Variants in EFNA5 observed in about 807,000 individuals in gnomAD.
EFNA5 encodes the protein ephrin A5.
EFNA5 carries 5 observed loss-of-function variants against 22.9 expected under a neutral mutation model. The ratio of observed to expected loss-of-function variants is 0.22; its 90% CI spans 0.11 to 0.46. The LOEUF (loss-of-function observed/expected upper bound fraction) is 0.46. EFNA5 is among the 20% of genes least tolerant of loss of function. The pLI is 0.99. For synonymous variants in EFNA5, 113 were observed against 112.2 expected (o/e 1.01, Z -0.04); for missense variants, 237 against 293.3 (o/e 0.81, Z 1.40).
chr5:107,490,779 T>C lies in EFNA5; in HGVS notation c.126-63270A>G, dbSNP rs1580489769. On this transcript the variant is annotated intron_variant, in intron 1 of 4. Coordinates refer to ENST00000333274, the MANE Select transcript of EFNA5 (RefSeq NM_001962.3). ...TACAGCGGCTACTCAGATTCCTCTT[T>C]ACTTACTGTGTCACCATCCAGTGGG... Among the ~76,000 whole-genome samples, 4 of 152,334 alleles carry C rather than the reference T, an allele frequency of 2.6e-5. 1 individual carries two copies. Among genetic ancestry groups the C allele is most frequent in the Admixed American group, 2.6e-4 (4 of 15,306 alleles).
chr5:107,537,988 G>T (rs968846835), intron 1 of EFNA5, among the ~76,000 whole-genome samples: 4 of 152,158 alleles, frequency 2.6e-5, no homozygotes, highest in Non-Finnish European at 2.9e-5. Context: ...AAGAAAAGGG[G>T]TATATTGAGA....
chr5:107,571,173 G>A (rs894478408), intron 1 of EFNA5, among the ~76,000 whole-genome samples: 3 of 152,204 alleles, frequency 2.0e-5, no homozygotes, highest in Admixed American at 1.3e-4. Flanking sequence ...TACAGAAAAA[G>A]ATATCCGAAG....
intron 2 of EFNA5, among the ~76,000 whole-genome samples, chr5:107,420,826 C>G (rs1036173910): frequency 6.6e-6 from 1 of 152,120 alleles, no homozygotes; most frequent in African/African-American, 2.4e-5. Flanking sequence ...CTGCTTTCTG[C>G]AATTTTTCTT....
chr5:107,539,955 GCCTCA>G (rs2112459300), intron 1 of EFNA5, among the ~76,000 whole-genome samples: 1 of 152,274 alleles, frequency 6.6e-6, no homozygotes, highest in South Asian at 2.1e-4. Context: ...GTGGCTTCCT[GCCTCA>G]AACTACATGT....
At chr5:107,611,537 T>A (rs567811058) in intron 1 of EFNA5, among the ~76,000 whole-genome samples, 2 of 152,306 alleles carry the variant, frequency 1.3e-5, no homozygotes, top group Admixed American at 1.3e-4. Context: ...GTAAATATAT[T>A]AGGTTTTCTT....
chr5:107,636,500 A>G (rs376564571), intron 1 of EFNA5, among the ~76,000 whole-genome samples: 12 of 152,370 alleles, frequency 7.9e-5, no homozygotes, highest in African/African-American at 2.9e-4. Context: ...ACCAAATGAC[A>G]TGTAAGTTTC....
chr5:107,605,875 G>T (rs1273987499), intron 1 of EFNA5, among the ~76,000 whole-genome samples: 1 of 152,174 alleles, frequency 6.6e-6, no homozygotes. Flanking sequence ...CAGGGGGAGG[G>T]CAAGTATTTC....
At chr5:107,531,764 T>C (rs1330292864) in intron 1 of EFNA5, among the ~76,000 whole-genome samples, 1 of 152,182 alleles carries the variant, frequency 6.6e-6, no homozygotes, top group East Asian at 1.9e-4. Flanking sequence ...ATAAAGACAT[T>C]ATAGAAATAC....
At chr5:107,538,699 G>A (rs569690590) in intron 1 of EFNA5, among the ~76,000 whole-genome samples, 3 of 152,220 alleles carry the variant, frequency 2.0e-5, no homozygotes, top group South Asian at 2.1e-4. Flanking sequence ...ATTTCACCAG[G>A]AATGTAGAGC....
intron 1 of EFNA5, among the ~76,000 whole-genome samples, chr5:107,608,503 T>C (rs1219988609): frequency 6.6e-6 from 1 of 152,274 alleles, no homozygotes; most frequent in Non-Finnish European, 1.5e-5. Flanking sequence ...CAGATCTTTC[T>C]GCCTGCCTAT....
At chr5:107,470,941 C>T (rs193142708) in intron 1 of EFNA5, among the ~76,000 whole-genome samples, 33 of 152,168 alleles carry the variant, frequency 2.2e-4, no homozygotes, top group Admixed American at 2.0e-3. Flanking sequence ...AAGAAAAACC[C>T]ATCTACTAAG....
At chr5:107,453,602 G>C (rs903188829) in intron 1 of EFNA5, among the ~76,000 whole-genome samples, 1 of 152,112 alleles carries the variant, frequency 6.6e-6, no homozygotes, top group Non-Finnish European at 1.5e-5. Context: ...GAGTTGACTA[G>C]GTGATTTTTA....
At chr5:107,478,100 C>A (rs1750360260) in intron 1 of EFNA5, among the ~76,000 whole-genome samples, 1 of 152,132 alleles carries the variant, frequency 6.6e-6, no homozygotes, top group South Asian at 2.1e-4. Flanking sequence ...CTCATTATGT[C>A]ATACCTAATA....
chr5:107,570,387 A>G (rs1442517414), intron 1 of EFNA5, among the ~76,000 whole-genome samples: 1 of 152,250 alleles, frequency 6.6e-6, no homozygotes, highest in Non-Finnish European at 1.5e-5. Flanking sequence ...TCAAGGGAAC[A>G]TGCTGAGCAA....
intron 1 of EFNA5, among the ~76,000 whole-genome samples, chr5:107,540,439 C>T (rs560591425): frequency 6.6e-6 from 1 of 152,012 alleles, no homozygotes; most frequent in Non-Finnish European, 1.5e-5. Flanking sequence ...ATTATGTCAC[C>T]GAACAAAAGC....
Position 107,542,101 on chromosome 5 carries a change from A to G in EFNA5, c.126-114592T>C, listed in dbSNP as rs931076171. Among the ~76,000 whole-genome samples, 18 of 152,292 alleles carry G rather than the reference A, an allele frequency of 1.2e-4. 1 individual carries two copies. Among genetic ancestry groups the G allele is most frequent in the Admixed American group, 1.2e-3 (18 of 15,300 alleles). Reference sequence around the variant, plus strand: ...AGATCTGATTATATTTAACTCTTCTATTTCCCATATGCTGAAAGAGTTCAT... The same window carrying G: ...AGATCTGATTATATTTAACTCTTCTGTTTCCCATATGCTGAAAGAGTTCAT... On this transcript the variant is annotated intron_variant, in intron 1 of 4. Transcript: ENST00000333274.
chr5:107,551,949 TCTC>T (rs1025315064), intron 1 of EFNA5, among the ~76,000 whole-genome samples: 1 of 151,892 alleles, frequency 6.6e-6, no homozygotes, highest in Non-Finnish European at 1.5e-5. Flanking sequence ...CTGAAAAAAA[TCTC>T]CACTACTGTC....
chr5:107,617,852 A>C (rs999257837), intron 1 of EFNA5, among the ~76,000 whole-genome samples: 7 of 151,996 alleles, frequency 4.6e-5, no homozygotes, highest in Admixed American at 4.6e-4. Flanking sequence ...CCTATAAAAA[A>C]CTCAGATTCA....
intron 2 of EFNA5, among the ~76,000 whole-genome samples, chr5:107,398,719 G>C (rs1001609847): frequency 3.3e-5 from 5 of 151,628 alleles, no homozygotes; most frequent in Admixed American, 1.3e-4. Flanking sequence ...GCCAGGTGTG[G>C]TGATGTGTAC....
Sources: allele counts gnomAD v4.1 joint callset (sites outside exome capture counted in the v4.1 genomes callset), GRCh38; gene constraint gnomAD v4.1.1; transcripts MANE v1.5; gene names NCBI Gene and HGNC (gene_info 2026-07-23, HGNC 2026-07-21).